CCDC126: variants seen among roughly 807,000 people sequenced by gnomAD.
CCDC126 encodes the protein coiled-coil domain-containing protein 126.
CCDC126 carries 5 observed loss-of-function variants against 11.7 expected under a neutral mutation model. That is an observed-to-expected ratio of 0.43 (90% confidence interval 0.22 to 0.90). The LOEUF is 0.90. CCDC126 is among the 40% of genes least tolerant of loss of function. The pLI is 0.27. For synonymous variants in CCDC126, 60 were observed against 61.9 expected (o/e 0.97, Z 0.14); for missense variants, 150 against 163.1 (o/e 0.92, Z 0.44).
At chr7:23,597,860 C>G (rs1419705558) in intron 1 of CCDC126, 107 bp from the exon 2 acceptor site, 1 of 151,144 alleles carries the variant, frequency 6.6e-6, no homozygotes, top group Non-Finnish European at 1.5e-5. Context: ...GGCGGAGAGC[C>G]GAGCGTGGCT....
At chr7:23,621,955 T>C (rs1562494606) in intron 3 of CCDC126, among the ~76,000 whole-genome samples, 1 of 152,134 alleles carries the variant, frequency 6.6e-6, no homozygotes, top group Non-Finnish European at 1.5e-5. Flanking sequence ...TGGATAAGCT[T>C]TTTGGTGTGC....
rs150992877 is a variant in CCDC126 at position 23,610,494 on chromosome 7, G to A, written c.-145-677G>A. ...CTCCCAAAGTGTTGGGCTTACAAGTGTAAGCCACTGCCCCTGGTCTCAAGT... is the reference window on the plus strand; with the variant it reads ...CTCCCAAAGTGTTGGGCTTACAAGTATAAGCCACTGCCCCTGGTCTCAAGT... On this transcript the variant is annotated intron_variant, in intron 2 of 3. Transcript: ENST00000307471. Among the ~76,000 whole-genome samples the A allele has an allele frequency of 2.0e-5, 3 of 152,302 alleles. No individual in the cohort carries two copies. In the East Asian group the frequency reaches 5.8e-4, roughly 29 times the overall value.
At chr7:23,638,712 T>TAAAAAAAAAAAAAATAAAA (rs1176764880) in intron 3 of CCDC126, among the ~76,000 whole-genome samples, 1 of 44,428 alleles carries the variant, frequency 2.3e-5, no homozygotes, top group African/African-American at 8.2e-5. Context: ...GAATGATCAA[T>TAAAAAAAAAAAAAATAAAA]AAAAAAAAAA....
intron 3 of CCDC126, among the ~76,000 whole-genome samples, chr7:23,622,296 T>C (rs1336498185): frequency 2.6e-5 from 4 of 152,228 alleles, no homozygotes. Context: ...AGCTTCTTCC[T>C]GGTTAGTCTT....
chr7:23,633,416 A>C (rs2128021045), intron 3 of CCDC126, among the ~76,000 whole-genome samples: 2 of 152,098 alleles, frequency 1.3e-5, no homozygotes, highest in Middle Eastern at 6.8e-3. Context: ...ATGTACACTT[A>C]ATCATAGAAT....
intron 3 of CCDC126, among the ~76,000 whole-genome samples, chr7:23,629,971 A>C (rs898491670): frequency 2.0e-5 from 3 of 152,212 alleles, no homozygotes; most frequent in Admixed American, 2.0e-4. Context: ...AGATTTAAGA[A>C]GCTGAGCAAA....
chr7:23,618,797 C>T (rs539231904), intron 3 of CCDC126, among the ~76,000 whole-genome samples: 12 of 152,128 alleles, frequency 7.9e-5, no homozygotes, highest in African/African-American at 2.9e-4. Flanking sequence ...TCATGTGATC[C>T]ACCTGCCTCC....
intron 3 of CCDC126, among the ~76,000 whole-genome samples, chr7:23,628,175 C>G (rs184705993): frequency 1.8e-4 from 28 of 152,274 alleles, no homozygotes; most frequent in Admixed American, 5.2e-4. Flanking sequence ...AAATGGAGAT[C>G]TATCCTCATC....
At chr7:23,620,481 C>G (rs1039544784) in intron 3 of CCDC126, among the ~76,000 whole-genome samples, 9 of 152,244 alleles carry the variant, frequency 5.9e-5, no homozygotes, top group Non-Finnish European at 1.5e-5. Context: ...GATATTAGCC[C>G]TTTGTCAGAT....
chr7:23,644,127 T>C lies in CCDC126; in HGVS notation c.*1012T>C, dbSNP rs1293868784. The C allele has an allele frequency of 2.0e-5, 3 of 151,984 alleles. No homozygotes were observed. The highest frequency in any genetic ancestry group is 4.4e-5 in the Non-Finnish European group (3 of 67,934). The allele number at this position is 151,984 out of a possible 1,614,324, so 9.4% of individuals were successfully genotyped here. Reference sequence around the variant, plus strand: ...GTTAACATTATATTATATAAGAGTATCCTTTATGAAATTTTGAATTTGTAT... The same window carrying C: ...GTTAACATTATATTATATAAGAGTACCCTTTATGAAATTTTGAATTTGTAT... On this transcript the variant is annotated 3_prime_UTR_variant, in exon 4 of 4. Coordinates refer to ENST00000307471, the MANE Select transcript of CCDC126 (RefSeq NM_138771.4).
intron 3 of CCDC126, among the ~76,000 whole-genome samples, chr7:23,611,779 C>T (rs1343801551): frequency 6.6e-6 from 1 of 152,164 alleles, no homozygotes; most frequent in East Asian, 1.9e-4. Flanking sequence ...TTTGTTTTAT[C>T]TAATTGTTGA....
intron 3 of CCDC126, among the ~76,000 whole-genome samples, chr7:23,626,239 G>C (rs1358763003): frequency 6.6e-6 from 1 of 151,996 alleles, no homozygotes; most frequent in Non-Finnish European, 1.5e-5. Flanking sequence ...AGATGAGTTA[G>C]CCAGTTATTC....
At chr7:23,627,081 G>A (rs1284059852) in intron 3 of CCDC126, among the ~76,000 whole-genome samples, 1 of 152,338 alleles carries the variant, frequency 6.6e-6, no homozygotes, top group East Asian at 1.9e-4. Context: ...ACACTTTGCA[G>A]TTGGTGCATG....
At chr7:23,630,554 C>G (rs138559698) in intron 3 of CCDC126, among the ~76,000 whole-genome samples, 4,645 of 151,332 alleles carry the variant, frequency 0.031, 170 homozygotes, top group Admixed American at 0.11. Flanking sequence ...CACCTGTAAC[C>G]CCAGCACTTT....
chr7:23,632,970 C>T (rs1400444766), intron 3 of CCDC126, among the ~76,000 whole-genome samples: 1 of 152,266 alleles, frequency 6.6e-6, no homozygotes, highest in South Asian at 2.1e-4. Context: ...TACCTTAGTT[C>T]ACTCATGTGA....
At position 23,616,626 on chromosome 7, in the gene CCDC126, C is replaced by T. The variant is rs868113383; in HGVS notation, c.238+5073C>T. On this transcript the variant is annotated intron_variant, in intron 3 of 3. Transcript: ENST00000307471. Reference sequence around the variant, plus strand: ...AGGCTCTGCTCTGTTCTGTTTTACTCCTCATCCCCCTAGGTTCCAGTGTTC... The same window carrying T: ...AGGCTCTGCTCTGTTCTGTTTTACTTCTCATCCCCCTAGGTTCCAGTGTTC... Among the ~76,000 whole-genome samples the T allele has an allele frequency of 5.3e-5, 8 of 152,128 alleles. No homozygotes were observed. The South Asian group carries it at 6.2e-4, about 12-fold the overall frequency.
chr7:23,600,374 A>ACCCCCCCC (rs35190673), intron 2 of CCDC126, among the ~76,000 whole-genome samples: 1 of 80,546 alleles, frequency 1.2e-5, no homozygotes, highest in Non-Finnish European at 2.4e-5. Flanking sequence ...TTCTGTGTTA[A>ACCCCCCCC]CCCCCCCCCC....
chr7:23,636,901 G>A (rs1783236652), intron 3 of CCDC126, among the ~76,000 whole-genome samples: 1 of 92,662 alleles, frequency 1.1e-5, no homozygotes, highest in Admixed American at 9.3e-5. Context: ...GAGGGAGGTG[G>A]GGGGGTCAGC....
At chr7:23,614,787 G>A (rs1782769935) in intron 3 of CCDC126, among the ~76,000 whole-genome samples, 1 of 152,188 alleles carries the variant, frequency 6.6e-6, no homozygotes, top group East Asian at 1.9e-4. Flanking sequence ...ATTTTGAAAG[G>A]AATTGTTTTT....
Sources: gnomAD v4.1 joint callset for allele counts (sites outside exome capture counted in the v4.1 genomes callset) on GRCh38, gnomAD v4.1.1 for gene constraint, MANE v1.5 for transcripts, NCBI Gene and HGNC (gene_info 2026-07-23, HGNC 2026-07-21) for gene names.